The following LRMDA variants were observed in gnomAD, a reference collection of about 807,000 sequenced individuals.
LRMDA encodes the protein leucine rich melanocyte differentiation associated.
A neutral mutation model predicts 29.8 loss-of-function variants in LRMDA; 18 were observed. The ratio of observed to expected loss-of-function variants is 0.60; its 90% CI spans 0.42 to 0.90. The LOEUF (loss-of-function observed/expected upper bound fraction) is 0.90, where lower values mean the gene tolerates loss of function less well. Among genes scored for constraint, LRMDA ranks in the 40% least tolerant of loss-of-function variants. LRMDA has a pLI of 0.00. For missense variants in LRMDA, 273 were observed against 273.9 expected, an observed-to-expected ratio of 1.00 and a Z score of 0.02; for synonymous variants, 125 against 109.4, an observed-to-expected ratio of 1.14 and a Z score of -0.89.
chr10:75,675,136 T>A (rs1841944124), intron 2 of LRMDA, among the ~76,000 whole-genome samples: 1 of 152,076 alleles, frequency 6.6e-6, no homozygotes, highest in Admixed American at 6.6e-5. Context: ...TCAGAGGGAG[T>A]TATAGAATTC....
At chr10:75,884,578 C>T (rs751556090) in intron 2 of LRMDA, among the ~76,000 whole-genome samples, 2 of 152,184 alleles carry the variant, frequency 1.3e-5, no homozygotes, top group Non-Finnish European at 2.9e-5. Context: ...CATGGATAGA[C>T]AGCCTTGTAG....
intron 5 of LRMDA, among the ~76,000 whole-genome samples, chr10:76,138,152 C>A (rs1248054190): frequency 6.6e-6 from 1 of 152,144 alleles, no homozygotes; most frequent in Non-Finnish European, 1.5e-5. Context: ...TGAAGGGCTG[C>A]AATTTACAGA....
chr10:76,126,092 G>C (rs1338865174), intron 5 of LRMDA, among the ~76,000 whole-genome samples: 1 of 152,172 alleles, frequency 6.6e-6, no homozygotes, highest in Non-Finnish European at 1.5e-5. Context: ...CTTGCAGGTT[G>C]AAGAGAGAGG....
At chr10:76,138,369 C>G (rs1850135524) in intron 5 of LRMDA, among the ~76,000 whole-genome samples, 1 of 152,138 alleles carries the variant, frequency 6.6e-6, no homozygotes, top group Non-Finnish European at 1.5e-5. Flanking sequence ...TAGAGCCACT[C>G]TCTCTGCAAA....
At chr10:75,477,039 G>A (rs903390249) in intron 2 of LRMDA, among the ~76,000 whole-genome samples, 6 of 150,890 alleles carry the variant, frequency 4.0e-5, no homozygotes, top group South Asian at 2.1e-4. Flanking sequence ...CTCTCAGGCT[G>A]GAGTACAGTG....
rs1848450137 is a variant in LRMDA at position 76,047,025 on chromosome 10, A to G, written c.259-139A>G. ...GAGTGAAAAAGTAGCAATACCGTAT[A>G]CCCACAGCTGAATTGATTTCAGCCC... On this transcript the variant is annotated intron_variant, in intron 3 of 6. Coordinates refer to ENST00000611255, the MANE Select transcript of LRMDA (RefSeq NM_001305581.2). 5.5e-6 allele frequency: 5 copies of G among 905,922 alleles called. No homozygotes were observed. The African/African-American group carries it at 6.7e-5, about 12-fold the overall frequency. 56.1% of individuals were successfully genotyped at this position (905,922 alleles called of 1,614,324 possible).
chr10:76,031,472 T>C (rs1848149060), intron 2 of LRMDA, among the ~76,000 whole-genome samples: 1 of 151,762 alleles, frequency 6.6e-6, no homozygotes, highest in Non-Finnish European at 1.5e-5. Context: ...TCTTAGACAC[T>C]CCCAGGTTTT....
chr10:76,045,192 T>C (rs1437582199), intron 3 of LRMDA, among the ~76,000 whole-genome samples: 1 of 151,150 alleles, frequency 6.6e-6, no homozygotes, highest in Non-Finnish European at 1.5e-5. Flanking sequence ...AGTTTCCCTC[T>C]CTTGCTAGTT....
At chr10:76,403,542 G>T (rs1357492305) in intron 6 of LRMDA, among the ~76,000 whole-genome samples, 1 of 151,820 alleles carries the variant, frequency 6.6e-6, no homozygotes, top group East Asian at 1.9e-4. Flanking sequence ...TAAAAATTTG[G>T]GGCTTTAACT....
intron 5 of LRMDA, among the ~76,000 whole-genome samples, chr10:76,309,606 C>T (rs1251465252): frequency 1.3e-5 from 2 of 152,272 alleles, no homozygotes; most frequent in Non-Finnish European, 1.5e-5. Flanking sequence ...CCTCTTATTA[C>T]TAGGAATTTC....
intron 2 of LRMDA, among the ~76,000 whole-genome samples, chr10:75,909,176 T>C (rs967776879): frequency 1.3e-5 from 2 of 152,216 alleles, no homozygotes; most frequent in Admixed American, 6.5e-5. Flanking sequence ...GAAAATATTT[T>C]ACCCTAGTAT....
At chr10:76,215,491 A>G (rs980998784) in intron 5 of LRMDA, among the ~76,000 whole-genome samples, 22 of 151,980 alleles carry the variant, frequency 1.4e-4, no homozygotes, top group Non-Finnish European at 3.1e-4. Context: ...GGCACAGGAG[A>G]TGAAGTCTGT....
At chr10:75,842,073 T>G (rs1197802641) in intron 2 of LRMDA, among the ~76,000 whole-genome samples, 2 of 152,238 alleles carry the variant, frequency 1.3e-5, no homozygotes, top group African/African-American at 2.4e-5. Context: ...AATTTTAACA[T>G]TATCAATGAA....
chr10:75,642,136 C>G (rs1442930460), intron 2 of LRMDA, among the ~76,000 whole-genome samples: 1 of 152,060 alleles, frequency 6.6e-6, no homozygotes, highest in Non-Finnish European at 1.5e-5. Context: ...GATTCATGAA[C>G]AGGGTGGATC....
intron 2 of LRMDA, among the ~76,000 whole-genome samples, chr10:75,543,369 A>G (rs773031069): frequency 6.6e-6 from 1 of 152,146 alleles, no homozygotes; most frequent in Admixed American, 6.5e-5. Context: ...TAAACAAGAG[A>G]TATTACTTTG....
intron 2 of LRMDA, among the ~76,000 whole-genome samples, chr10:75,831,246 A>G (rs1157887302): frequency 2.0e-5 from 3 of 152,104 alleles, no homozygotes; most frequent in African/African-American, 7.2e-5. Context: ...ACGAGGTTTT[A>G]CTGCGCTAAC....
chr10:76,236,753 T>C (rs1458782331), intron 5 of LRMDA, among the ~76,000 whole-genome samples: 1 of 152,232 alleles, frequency 6.6e-6, no homozygotes, highest in Non-Finnish European at 1.5e-5. Context: ...GCCCTTAGAC[T>C]TCTTCTCTGA....
At chr10:76,071,935 G>A (rs574288377) in intron 5 of LRMDA, among the ~76,000 whole-genome samples, 2 of 152,276 alleles carry the variant, frequency 1.3e-5, no homozygotes, top group South Asian at 4.1e-4. Context: ...ATAGCATTAA[G>A]TTTTAAATAT....
At chr10:75,655,002 AT>A (rs1272738799) in intron 2 of LRMDA, among the ~76,000 whole-genome samples, 1 of 152,200 alleles carries the variant, frequency 6.6e-6, no homozygotes, top group African/African-American at 2.4e-5. Context: ...AGCGGACTGG[AT>A]TTCCAAAACT....
Sources: allele counts gnomAD v4.1 joint callset (sites outside exome capture counted in the v4.1 genomes callset), GRCh38; gene constraint gnomAD v4.1.1; transcripts MANE v1.5; gene names NCBI Gene and HGNC (gene_info 2026-07-23, HGNC 2026-07-21).